BCL2L1: variants seen among roughly 807,000 people sequenced by gnomAD.
BCL2L1 encodes the protein bcl-2-like protein 1.
BCL2L1 carries 1 observed loss-of-function variant against 18.7 expected under a neutral mutation model. The ratio of observed to expected loss-of-function variants is 0.05; its 90% CI spans 0.02 to 0.25. The LOEUF (loss-of-function observed/expected upper bound fraction) is 0.25, where lower values mean the gene tolerates loss of function less well. BCL2L1 is among the 10% of genes least tolerant of loss of function. The probability of loss-of-function intolerance (pLI) is 1.00; values close to 1 mark genes in which losing one functional copy is unlikely to be tolerated. For synonymous variants in BCL2L1, 103 were observed against 122.7 expected (o/e 0.84, Z 1.06); for missense variants, 207 against 304.9 (o/e 0.68, Z 2.39).
upstream of BCL2L1, chr20:31,723,855 C>T (rs2061674737): frequency 1.1e-5 from 11 of 985,470 alleles, no homozygotes; most frequent in Non-Finnish European, 1.3e-5. Flanking sequence ...TACCTGGCTG[C>T]CGGCCTACCT....
intron 2 of BCL2L1, among the ~76,000 whole-genome samples, chr20:31,710,476 CTA>C (rs1368097256): frequency 1.3e-5 from 2 of 152,212 alleles, no homozygotes; most frequent in African/African-American, 4.8e-5. Flanking sequence ...GCTGAGAAAG[CTA>C]TGATTATTTA....
chr20:31,665,930 G>C lies in BCL2L1; in HGVS notation c.*19C>G. 1 of 1,611,918 alleles carries C rather than the reference G, an allele frequency of 6.2e-7. No individual in the cohort carries two copies. The highest frequency in any genetic ancestry group is 1.1e-5 in the South Asian group (1 of 90,954). On this transcript the variant is annotated 3_prime_UTR_variant, in exon 3 of 3. Transcript: ENST00000307677. ...GCAGAGAAGGGGGTGGGAGGGTAGA[G>C]TGGATGGTCAGTGTCTGGTCATTTC...
chr20:31,665,743 A>G lies in BCL2L1; in HGVS notation c.*206T>C. On this transcript the variant is annotated 3_prime_UTR_variant, in exon 3 of 3. Coordinates refer to ENST00000307677, the MANE Select transcript of BCL2L1 (RefSeq NM_138578.3). ...TGGAAATTTTGTGAATTCTGAGGCC[A>G]AGGGAACTGAGGTGTGGGGGTCTCA... 1.5e-6 allele frequency: 1 copy of G among 668,186 alleles called. No homozygotes were observed. Among genetic ancestry groups the G allele is most frequent in the East Asian group, 2.8e-5 (1 of 35,130 alleles). The allele number at this position is 668,186 out of a possible 1,614,324, so 41.4% of individuals were successfully genotyped here. A position where few individuals can be genotyped will look rare whatever the true frequency, so the allele number is the denominator to read the frequency against.
At chr20:31,715,201 G>C (rs1021366024) in intron 2 of BCL2L1, among the ~76,000 whole-genome samples, 1 of 151,786 alleles carries the variant, frequency 6.6e-6, no homozygotes, top group African/African-American at 2.4e-5. Context: ...GAACCCAGGA[G>C]GTGCAGCTTG....
chr20:31,665,749 A>C lies in BCL2L1; in HGVS notation c.*200T>G. The C allele has an allele frequency of 3.0e-6, 2 of 674,720 alleles. No individual in the cohort carries two copies. The highest frequency in any genetic ancestry group is 1.8e-5 in the African/African-American group (1 of 55,074). The allele number at this position is 674,720 out of a possible 1,614,324, so 41.8% of individuals were successfully genotyped here. A position where few individuals can be genotyped will look rare whatever the true frequency, so the allele number is the denominator to read the frequency against. ...TTTTGTGAATTCTGAGGCCAAGGGA[A>C]CTGAGGTGTGGGGGTCTCACAGAAG... On this transcript the variant is annotated 3_prime_UTR_variant, in exon 3 of 3. Coordinates refer to ENST00000307677, the MANE Select transcript of BCL2L1 (RefSeq NM_138578.3).
At chr20:31,712,575 G>C (rs1337528391) in intron 2 of BCL2L1, among the ~76,000 whole-genome samples, 1 of 152,170 alleles carries the variant, frequency 6.6e-6, no homozygotes, top group African/African-American at 2.4e-5. Context: ...AATAATTACA[G>C]AGAAGTCTCA....
intron 2 of BCL2L1, among the ~76,000 whole-genome samples, chr20:31,702,120 C>T (rs546352736): frequency 6.5e-4 from 99 of 152,304 alleles, no homozygotes; most frequent in Non-Finnish European, 9.6e-4. Flanking sequence ...GAGGAGGTGA[C>T]CAGCAAGCTG....
intron 2 of BCL2L1, among the ~76,000 whole-genome samples, chr20:31,705,313 T>C (rs1224532220): frequency 6.6e-6 from 1 of 152,202 alleles, no homozygotes; most frequent in Non-Finnish European, 1.5e-5. Context: ...TGATCTTACA[T>C]ACATTCTTAC....
chr20:31,723,577 C>A, upstream of BCL2L1: 1 of 984,536 alleles, frequency 1.0e-6, no homozygotes, highest in Non-Finnish European at 1.2e-6. Flanking sequence ...CGCCCTCCCC[C>A]GGGGGCGCCC....
intron 2 of BCL2L1, among the ~76,000 whole-genome samples, chr20:31,685,759 G>T (rs938576421): frequency 6.6e-6 from 1 of 152,162 alleles, no homozygotes; most frequent in Non-Finnish European, 1.5e-5. Context: ...GGGAGCAGTG[G>T]AGTGTAAGGG....
chr20:31,685,744 C>T (rs2060945659), intron 2 of BCL2L1, among the ~76,000 whole-genome samples: 2 of 151,948 alleles, frequency 1.3e-5, no homozygotes, highest in South Asian at 4.1e-4. Context: ...TTTTTTTCCC[C>T]TCAAGGGAGC....
chr20:31,697,522 C>G (rs1336847977), intron 2 of BCL2L1, among the ~76,000 whole-genome samples: 2 of 151,944 alleles, frequency 1.3e-5, no homozygotes, highest in African/African-American at 4.8e-5. Context: ...ACTGCAACCT[C>G]CACCTCCCGG....
intron 2 of BCL2L1, among the ~76,000 whole-genome samples, chr20:31,711,398 A>C (rs527847032): frequency 1.3e-5 from 2 of 152,296 alleles, no homozygotes; most frequent in South Asian, 4.1e-4. Context: ...AACTATAATG[A>C]ATCTTGCCTG....
intron 2 of BCL2L1, among the ~76,000 whole-genome samples, chr20:31,688,444 C>CAAAA (rs11362299): frequency 2.3e-5 from 2 of 86,672 alleles, no homozygotes; most frequent in Admixed American, 1.3e-4. Flanking sequence ...ACTCTGTCTC[C>CAAAA]AAAAAAAAAA....
chr20:31,676,102 A>G (rs2060754479), intron 2 of BCL2L1, among the ~76,000 whole-genome samples: 1 of 152,162 alleles, frequency 6.6e-6, no homozygotes, highest in Admixed American at 6.5e-5. Context: ...TCTGGCTCAG[A>G]ACCAGGGTGA....
At chr20:31,710,252 T>A (rs545981109) in intron 2 of BCL2L1, among the ~76,000 whole-genome samples, 1 of 152,268 alleles carries the variant, frequency 6.6e-6, no homozygotes, top group East Asian at 1.9e-4. Context: ...CATGTAAACA[T>A]GGCGACCTCT....
chr20:31,704,271 T>C (rs1405324900), intron 2 of BCL2L1, among the ~76,000 whole-genome samples: 3 of 151,982 alleles, frequency 2.0e-5, no homozygotes, highest in East Asian at 1.9e-4. Context: ...CGGCTAATTT[T>C]TGTATTTTTA....
intron 2 of BCL2L1, among the ~76,000 whole-genome samples, chr20:31,690,465 A>C (rs1187347493): frequency 6.6e-6 from 1 of 152,162 alleles, no homozygotes; most frequent in Non-Finnish European, 1.5e-5. Context: ...CCATCATTCA[A>C]CTTCAACAAG....
chr20:31,691,533 A>C (rs1320615687), intron 2 of BCL2L1, among the ~76,000 whole-genome samples: 1 of 150,188 alleles, frequency 6.7e-6, no homozygotes, highest in Non-Finnish European at 1.5e-5. Context: ...AATAAAATAA[A>C]ATAAAATAAA....
Sources: gnomAD v4.1 joint callset for allele counts (sites outside exome capture counted in the v4.1 genomes callset) on GRCh38, gnomAD v4.1.1 for gene constraint, MANE v1.5 for transcripts, NCBI Gene and HGNC (gene_info 2026-07-23, HGNC 2026-07-21) for gene names.